CNTN5: variants seen among roughly 807,000 people sequenced by gnomAD.
CNTN5 encodes the protein contactin 5.
A neutral mutation model predicts 129.1 loss-of-function variants in CNTN5; 77 were observed. The observed-to-expected ratio is 0.60, with a 90% CI of 0.50 to 0.72. CNTN5 has a LOEUF of 0.72. Among genes scored for constraint, CNTN5 ranks in the 30% least tolerant of loss-of-function variants. The pLI is 0.00. For missense variants in CNTN5, 1,478 were observed against 1,328.8 expected (o/e 1.11, Z -1.75); for synonymous variants, 509 against 465.6 (o/e 1.09, Z -1.20).
At chr11:99,575,625 G>A (rs1181322749) in intron 3 of CNTN5, among the ~76,000 whole-genome samples, 2 of 152,148 alleles carry the variant, frequency 1.3e-5, no homozygotes, top group Non-Finnish European at 2.9e-5. Context: ...AGCTACTCTT[G>A]GAGCAAAATA....
intron 3 of CNTN5, among the ~76,000 whole-genome samples, chr11:99,559,611 A>T (rs1327644319): frequency 6.6e-6 from 1 of 152,206 alleles, no homozygotes. Flanking sequence ...GTGAGAATTC[A>T]ACATGGTATA....
intron 18 of CNTN5, among the ~76,000 whole-genome samples, chr11:100,276,855 T>A (rs1294900037): frequency 7.4e-6 from 1 of 135,072 alleles, no homozygotes; most frequent in East Asian, 2.0e-4. Flanking sequence ...GTACAATTAA[T>A]TTTTTTTTTT....
intron 1 of CNTN5, among the ~76,000 whole-genome samples, chr11:99,215,400 G>T (rs1860064149): frequency 6.6e-6 from 1 of 152,082 alleles, no homozygotes; most frequent in South Asian, 2.1e-4. Context: ...AATGATCAAA[G>T]AAACAAATAG....
chr11:100,294,340 C>A (rs1276160526), intron 18 of CNTN5, among the ~76,000 whole-genome samples: 1 of 151,592 alleles, frequency 6.6e-6, no homozygotes, highest in African/African-American at 2.4e-5. Flanking sequence ...ATATTTTTTT[C>A]ATTCTGTGTT....
At position 99,324,665 on chromosome 11, in the gene CNTN5, T is replaced by A. The variant is rs61894570; in HGVS notation, c.-209-681T>A. Among the ~76,000 whole-genome samples the A allele has an allele frequency of 2.6e-5, 4 of 152,152 alleles. No homozygotes were observed. In the East Asian group the frequency reaches 7.7e-4, roughly 29 times the overall value. ...TCATTAGAAATAAAGAGAATAGAGG[T>A]GGCCCCATTCATGCCTATCCTTAAT... On this transcript the variant is annotated intron_variant, in intron 1 of 24. Coordinates refer to ENST00000524871, the MANE Select transcript of CNTN5 (RefSeq NM_014361.4).
Position 100,031,749 on chromosome 11 carries a change from A to G in CNTN5, c.981-29463A>G, listed in dbSNP as rs146016412. Among the ~76,000 whole-genome samples the G allele has an allele frequency of 3.2e-3, 487 of 152,292 alleles. 3 individuals are homozygous for G. The highest frequency in any genetic ancestry group is 0.011 in the African/African-American group (471 of 41,562). ...TACTGATGCACATGTTATATTGTAA[A>G]TTCTTATCTCTGTATACTGTACTTC... On this transcript the variant is annotated intron_variant, in intron 9 of 24. Coordinates refer to ENST00000524871, the MANE Select transcript of CNTN5 (RefSeq NM_014361.4).
intron 6 of CNTN5, among the ~76,000 whole-genome samples, chr11:99,898,786 G>A (rs528933544): frequency 6.6e-6 from 1 of 151,768 alleles, no homozygotes; most frequent in Non-Finnish European, 1.5e-5. Context: ...GAGTTTAGCA[G>A]ATATAGAAAC....
intron 2 of CNTN5, among the ~76,000 whole-genome samples, chr11:99,377,511 C>T (rs1940257468): frequency 6.6e-6 from 1 of 151,780 alleles, no homozygotes; most frequent in Non-Finnish European, 1.5e-5. Flanking sequence ...AATTGGCTTT[C>T]TTAATTGTAA....
chr11:99,809,178 C>T lies in CNTN5; in HGVS notation c.56-10366C>T, dbSNP rs527427960. ...AGAATGATGTCAGACCCTCTTAATGCTATATGCTTCTATTAAGTGTAAAAA... is the reference window on the plus strand; with the variant it reads ...AGAATGATGTCAGACCCTCTTAATGTTATATGCTTCTATTAAGTGTAAAAA... On this transcript the variant is annotated intron_variant, in intron 3 of 24. Transcript: ENST00000524871. Among the ~76,000 whole-genome samples, 3 of 152,234 alleles carry T rather than the reference C, an allele frequency of 2.0e-5. No homozygotes were observed. In the South Asian group the frequency reaches 6.2e-4, roughly 32 times the overall value.
intron 9 of CNTN5, among the ~76,000 whole-genome samples, chr11:100,045,533 T>C (rs996192888): frequency 3.3e-5 from 5 of 152,140 alleles, no homozygotes; most frequent in African/African-American, 9.6e-5. Context: ...TATCCTCATA[T>C]GAAAGAATTA....
intron 9 of CNTN5, among the ~76,000 whole-genome samples, chr11:100,012,430 A>G (rs1940588400): frequency 6.6e-6 from 1 of 152,092 alleles, no homozygotes; most frequent in Non-Finnish European, 1.5e-5. Flanking sequence ...TCATAGGGCA[A>G]ACTTTGAAGG....
At position 99,045,268 on chromosome 11, in the gene CNTN5, A is replaced by G. The variant is rs917673130; in HGVS notation, c.-210+23998A>G. ...CAATTACAAGTAAAGCATTTATTAA[A>G]CATTAGGTGAAATAATTATACATAT... On this transcript the variant is annotated intron_variant, in intron 1 of 24. Coordinates refer to ENST00000524871, the MANE Select transcript of CNTN5 (RefSeq NM_014361.4). 3.3e-5 allele frequency among the ~76,000 whole-genome samples: 5 copies of G among 152,216 alleles called. No homozygotes were observed. The East Asian group carries it at 9.6e-4, about 29-fold the overall frequency.
intron 2 of CNTN5, among the ~76,000 whole-genome samples, chr11:99,500,805 A>G (rs1179234472): frequency 3.3e-5 from 5 of 152,184 alleles, no homozygotes; most frequent in Non-Finnish European, 7.4e-5. Flanking sequence ...TTTTGTGTAG[A>G]TTACTGAACT....
At chr11:99,671,464 CGTGTGTGT>C (rs887683509) in intron 3 of CNTN5, among the ~76,000 whole-genome samples, 2 of 151,910 alleles carry the variant, frequency 1.3e-5, no homozygotes, top group Non-Finnish European at 2.9e-5. Flanking sequence ...TGCATGTGTG[CGTGTGTGT>C]GTATGAGAGT....
At chr11:99,682,684 C>G (rs1953610292) in intron 3 of CNTN5, among the ~76,000 whole-genome samples, 1 of 151,768 alleles carries the variant, frequency 6.6e-6, no homozygotes, top group Non-Finnish European at 1.5e-5. Context: ...GCACATAAAA[C>G]CAAAATCTAT....
chr11:99,119,708 G>A (rs140715450), intron 1 of CNTN5, among the ~76,000 whole-genome samples: 1,549 of 152,038 alleles, frequency 0.01, 20 homozygotes, highest in Non-Finnish European at 0.013. Context: ...TTGAGGAATC[G>A]CCACCCTGCT....
chr11:100,287,429 C>A (rs1950822999), intron 18 of CNTN5, among the ~76,000 whole-genome samples: 2 of 150,702 alleles, frequency 1.3e-5, no homozygotes, highest in African/African-American at 4.9e-5. Flanking sequence ...CCCTACAAGC[C>A]AGAAGAGAGT....
chr11:99,145,362 G>C (rs1940497), intron 1 of CNTN5, among the ~76,000 whole-genome samples: 3 of 151,810 alleles, frequency 2.0e-5, no homozygotes, highest in African/African-American at 2.4e-5. Context: ...GAGCTACCAC[G>C]CCCAACCAGA....
intron 1 of CNTN5, among the ~76,000 whole-genome samples, chr11:99,318,581 G>A (rs1259852739): frequency 6.6e-6 from 1 of 151,814 alleles, no homozygotes; most frequent in Non-Finnish European, 1.5e-5. Flanking sequence ...AATCGGCAAT[G>A]GCAGAGAGGA....
Sources: gnomAD v4.1 joint callset for allele counts (sites outside exome capture counted in the v4.1 genomes callset) on GRCh38, gnomAD v4.1.1 for gene constraint, MANE v1.5 for transcripts, NCBI Gene and HGNC (gene_info 2026-07-23, HGNC 2026-07-21) for gene names.